Variants in TSPAN5 observed in about 807,000 individuals in gnomAD.
The protein encoded by TSPAN5 is tetraspanin-5.
A neutral mutation model predicts 37.1 loss-of-function variants in TSPAN5; 10 were observed. The observed-to-expected ratio is 0.27, with a 90% CI of 0.17 to 0.46. The LOEUF (loss-of-function observed/expected upper bound fraction) is 0.46. TSPAN5 is among the 20% of genes least tolerant of loss of function. The pLI is 1.00. For missense variants in TSPAN5, 195 were observed against 326.6 expected (o/e 0.60, Z 3.11); for synonymous variants, 110 against 118.9 (o/e 0.93, Z 0.48).
chr4:98,478,913 C>T (rs1578932717), intron 4 of TSPAN5, 103 bp from the exon 5 acceptor site: 1 of 1,399,018 alleles, frequency 7.1e-7, no homozygotes. Flanking sequence ...CTCTGACCTT[C>T]TTTTCTGTCC....
Position 98,610,364 on chromosome 4 carries a change from G to A in TSPAN5, c.81+47782C>T, listed in dbSNP as rs1756152825. On this transcript the variant is annotated intron_variant, in intron 1 of 7. Coordinates refer to ENST00000305798, the MANE Select transcript of TSPAN5 (RefSeq NM_005723.4). ...CCATCACGGTTACACTGGGGACTAA[G>A]TTTCCAATATATGCTCTTTGGGGGA... 3.3e-5 allele frequency among the ~76,000 whole-genome samples: 5 copies of A among 152,330 alleles called. No homozygotes were observed. The South Asian group carries it at 1.0e-3, about 32-fold the overall frequency.
chr4:98,505,488 G>T (rs1159863198), intron 2 of TSPAN5, among the ~76,000 whole-genome samples: 7 of 152,160 alleles, frequency 4.6e-5, no homozygotes, highest in Non-Finnish European at 8.8e-5. Flanking sequence ...ATACCCTGCA[G>T]ATCCTTCTTC....
chr4:98,592,559 T>C (rs62323638), intron 1 of TSPAN5, among the ~76,000 whole-genome samples: 16,957 of 145,950 alleles, frequency 0.12, 1,022 homozygotes, highest in African/African-American at 0.17. Flanking sequence ...TAGCATTAGG[T>C]ATATCTCCCA....
intron 1 of TSPAN5, among the ~76,000 whole-genome samples, chr4:98,515,085 G>T (rs2110110687): frequency 6.6e-6 from 1 of 152,214 alleles, no homozygotes; most frequent in Non-Finnish European, 1.5e-5. Flanking sequence ...GCAGGTGTCG[G>T]GGGAACAGCA....
At chr4:98,523,421 CA>C (rs1361200917) in intron 1 of TSPAN5, among the ~76,000 whole-genome samples, 3 of 152,098 alleles carry the variant, frequency 2.0e-5, no homozygotes, top group Non-Finnish European at 4.4e-5. Context: ...ATTAAAAAAT[CA>C]ACATGGAAAT....
chr4:98,524,448 GGA>G (rs1422477346), intron 1 of TSPAN5, among the ~76,000 whole-genome samples: 1 of 152,162 alleles, frequency 6.6e-6, no homozygotes, highest in Non-Finnish European at 1.5e-5. Context: ...TAGTAAATGA[GGA>G]GACCCTAGGT....
At chr4:98,514,235 G>C (rs1294292510) in intron 1 of TSPAN5, among the ~76,000 whole-genome samples, 1 of 152,204 alleles carries the variant, frequency 6.6e-6, no homozygotes, top group African/African-American at 2.4e-5. Flanking sequence ...AAGGGGAGAA[G>C]TGCCATTAGG....
At chr4:98,643,826 T>C (rs1579051760) in intron 1 of TSPAN5, among the ~76,000 whole-genome samples, 1 of 152,344 alleles carries the variant, frequency 6.6e-6, no homozygotes, top group African/African-American at 2.4e-5. Context: ...AAGAAAACAC[T>C]ATTTTCCCTA....
chr4:98,587,020 TG>T (rs1390348637), intron 1 of TSPAN5, among the ~76,000 whole-genome samples: 2 of 152,070 alleles, frequency 1.3e-5, no homozygotes, highest in Non-Finnish European at 2.9e-5. Flanking sequence ...GGAGGCAGGG[TG>T]GGGCAAAAGC....
intron 2 of TSPAN5, among the ~76,000 whole-genome samples, chr4:98,506,800 A>G (rs1166556611): frequency 6.6e-6 from 1 of 152,148 alleles, no homozygotes; most frequent in Non-Finnish European, 1.5e-5. Context: ...GGAGATAATA[A>G]AGCTTTTGTG....
chr4:98,636,412 G>A (rs1756857424), intron 1 of TSPAN5, among the ~76,000 whole-genome samples: 4 of 152,254 alleles, frequency 2.6e-5, no homozygotes, highest in South Asian at 2.1e-4. Context: ...TCCTATAATG[G>A]TGCCTAGCTT....
chr4:98,537,419 C>T lies in TSPAN5; in HGVS notation c.82-29691G>A, dbSNP rs922311412. 3.3e-5 allele frequency among the ~76,000 whole-genome samples: 5 copies of T among 152,138 alleles called. No individual in the cohort carries two copies. The South Asian group carries it at 1.0e-3, about 32-fold the overall frequency. On this transcript the variant is annotated intron_variant, in intron 1 of 7. Coordinates refer to ENST00000305798, the MANE Select transcript of TSPAN5 (RefSeq NM_005723.4). ...GTCGATCTCGCTGGGAGCTACAGAC[C>T]GGAGCTGTTCCTATTCGGCCATCTT... is the stretch of plus-strand genomic sequence containing the variant.
chr4:98,484,260 C>T (rs1279452598), intron 3 of TSPAN5: 1 of 363,166 alleles, frequency 2.8e-6, no homozygotes, highest in Non-Finnish European at 5.3e-6. Context: ...CACCCTAGAG[C>T]CTCGGTCAAC....
chr4:98,530,271 T>G (rs187776060), intron 1 of TSPAN5, among the ~76,000 whole-genome samples: 10 of 152,220 alleles, frequency 6.6e-5, no homozygotes, highest in African/African-American at 2.4e-4. Flanking sequence ...AAATGTCCCC[T>G]AGACACTGAG....
chr4:98,506,377 G>A (rs1753477551), intron 2 of TSPAN5, among the ~76,000 whole-genome samples: 1 of 152,158 alleles, frequency 6.6e-6, no homozygotes, highest in African/African-American at 2.4e-5. Context: ...CATAATCACT[G>A]CCCTGCCTCA....
At chr4:98,591,215 T>C (rs1755626320) in intron 1 of TSPAN5, among the ~76,000 whole-genome samples, 1 of 149,234 alleles carries the variant, frequency 6.7e-6, no homozygotes, top group South Asian at 2.1e-4. Flanking sequence ...ACCAGGCCAA[T>C]ACGCAAAATT....
chr4:98,476,179 C>T lies in TSPAN5; in HGVS notation c.741+10G>A. Reference sequence around the variant, plus strand: ...TTCCCTGTGATATCCATAAAGGACCCTTATCTTACCTGCAGCAATGCAATG... The same window carrying T: ...TTCCCTGTGATATCCATAAAGGACCTTTATCTTACCTGCAGCAATGCAATG... On this transcript the variant is annotated intron_variant, in intron 7 of 7. Transcript: ENST00000305798. 2.5e-6 allele frequency: 4 copies of T among 1,605,538 alleles called. No individual in the cohort carries two copies. The highest frequency in any genetic ancestry group is 1.7e-5 in the Admixed American group (1 of 60,002).
intron 1 of TSPAN5, among the ~76,000 whole-genome samples, chr4:98,611,688 G>C (rs538830793): frequency 8.7e-4 from 132 of 152,364 alleles, no homozygotes; most frequent in African/African-American, 2.6e-3. Flanking sequence ...GCCTTACCAG[G>C]TAAGAACAGG....
At chr4:98,573,428 T>C (rs2110185364) in intron 1 of TSPAN5, among the ~76,000 whole-genome samples, 1 of 152,338 alleles carries the variant, frequency 6.6e-6, no homozygotes, top group Non-Finnish European at 1.5e-5. Context: ...TTTGTACAGA[T>C]AGAGTCTATG....
Sources: allele counts gnomAD v4.1 joint callset (sites outside exome capture counted in the v4.1 genomes callset), GRCh38; gene constraint gnomAD v4.1.1; transcripts MANE v1.5; gene names NCBI Gene and HGNC (gene_info 2026-07-23, HGNC 2026-07-21).